TANC1: variants seen among roughly 807,000 people sequenced by gnomAD.
The protein encoded by TANC1 is tetratricopeptide repeat, ankyrin repeat and coiled-coil containing 1, also known as protein TANC1.
In TANC1, 77 loss-of-function variants were observed where a neutral mutation model predicts 149.7. The ratio of observed to expected loss-of-function variants is 0.51; its 90% CI spans 0.43 to 0.62. The LOEUF is 0.62. Ranked by LOEUF, TANC1 falls within the 20% of genes least tolerant of loss-of-function variation. The probability of loss-of-function intolerance (pLI) is 0.00; values close to 1 mark genes in which losing one functional copy is unlikely to be tolerated. For synonymous variants in TANC1, 854 were observed against 925.0 expected, an observed-to-expected ratio of 0.92 and a Z score of 1.39; for missense variants, 1,985 against 2,321.8, an observed-to-expected ratio of 0.85 and a Z score of 2.98.
At chr2:158,996,427 A>C (rs2036142284) in intron 1 of TANC1, among the ~76,000 whole-genome samples, 1 of 152,254 alleles carries the variant, frequency 6.6e-6, no homozygotes, top group Non-Finnish European at 1.5e-5. Context: ...TGTTAAATAA[A>C]TGCCATACTT....
intron 18 of TANC1, 126 bp from the exon 19 acceptor site, chr2:159,198,848 AT>A (rs954347494): frequency 1.3e-5 from 8 of 594,900 alleles, no homozygotes; most frequent in African/African-American, 1.9e-5. Flanking sequence ...TTTTCATTAT[AT>A]TTTTCTCTCC....
intron 3 of TANC1, among the ~76,000 whole-genome samples, chr2:159,072,343 G>C (rs985632789): frequency 6.6e-6 from 1 of 152,172 alleles, no homozygotes; most frequent in African/African-American, 2.4e-5. Flanking sequence ...TCCTTCATCA[G>C]ATTTTCTTTG....
At chr2:159,195,229 TC>T (rs2057760195) in intron 17 of TANC1, among the ~76,000 whole-genome samples, 2 of 152,328 alleles carry the variant, frequency 1.3e-5, no homozygotes, top group Admixed American at 1.3e-4. Context: ...TAAGTGATTC[TC>T]CTGCTTCAGC....
At chr2:159,075,741 C>T (rs1292716563) in intron 3 of TANC1, among the ~76,000 whole-genome samples, 1 of 151,752 alleles carries the variant, frequency 6.6e-6, no homozygotes, top group East Asian at 1.9e-4. Context: ...TATTTGGGCC[C>T]ATTTTGTTTC....
chr2:159,167,411 G>A (rs1019892340), intron 8 of TANC1, among the ~76,000 whole-genome samples: 2 of 152,182 alleles, frequency 1.3e-5, no homozygotes, highest in African/African-American at 4.8e-5. Flanking sequence ...TAGCCCTCCG[G>A]GAGATTTTAT....
At chr2:159,052,018 G>T (rs969993647) in intron 2 of TANC1, among the ~76,000 whole-genome samples, 3 of 152,126 alleles carry the variant, frequency 2.0e-5, no homozygotes, top group Admixed American at 2.0e-4. Context: ...GCTGGGGAAT[G>T]GCCTGTGACT....
At chr2:158,985,979 CT>C (rs1332848109) in intron 1 of TANC1, among the ~76,000 whole-genome samples, 1 of 152,170 alleles carries the variant, frequency 6.6e-6, no homozygotes, top group Non-Finnish European at 1.5e-5. Context: ...GAATCTTGTG[CT>C]TTTTGAAAAC....
chr2:159,226,649 T>G (rs184360225), intron 24 of TANC1: 13 of 152,360 alleles, frequency 8.5e-5, no homozygotes, highest in Admixed American at 5.9e-4. Flanking sequence ...AATGGAAATA[T>G]GATTTACAGA....
At chr2:159,025,189 T>TTTCTTTC (rs1553519914) in intron 2 of TANC1, among the ~76,000 whole-genome samples, 28 of 105,286 alleles carry the variant, frequency 2.7e-4, no homozygotes, top group African/African-American at 6.1e-4. Context: ...TTTTTCTTTC[T>TTTCTTTC]TTTCTTTCTT....
At chr2:159,169,855 T>C (rs1347661524) in intron 9 of TANC1, among the ~76,000 whole-genome samples, 5 of 152,036 alleles carry the variant, frequency 3.3e-5, no homozygotes, top group African/African-American at 1.2e-4. Context: ...TAGCTGGGCA[T>C]GGTGGCAGGT....
At position 159,037,757 on chromosome 2, in the gene TANC1, G is replaced by A. The variant is rs138313809; in HGVS notation, c.-15-28139G>A. On this transcript the variant is annotated intron_variant, in intron 2 of 26. Coordinates refer to ENST00000263635, the MANE Select transcript of TANC1 (RefSeq NM_033394.3). ...GTACCATGCTGTTTTGGTTACTGTA[G>A]CCTTGTAGTATAGTTTGAAGTCGGG... 3.6e-3 allele frequency among the ~76,000 whole-genome samples: 544 copies of A among 152,274 alleles called. 1 individual carries two copies. The highest frequency in any genetic ancestry group is 0.024 in the Middle Eastern group (7 of 294).
Position 159,219,297 on chromosome 2 carries a change from G to C in TANC1, c.3438G>C (p.Arg1146=), listed in dbSNP as rs2059540231. 1 of 1,614,062 alleles carries C rather than the reference G, an allele frequency of 6.2e-7. No individual in the cohort carries two copies. Among genetic ancestry groups the C allele is most frequent in the African/African-American group, 1.3e-5 (1 of 74,914 alleles). The change falls in exon 21 of 27, where the codon CGG becomes CGC. Residue 1146 remains arginine, a synonymous_variant. Transcript: ENST00000263635. ...TGAACCTAAGTGACAAGCAAGGCCG[G>C]ACGCCCCTCATGGTGGCTGCTTGTG... is the stretch of plus-strand genomic sequence containing the variant. The part of the protein sequence containing the change: ...CDVNLSDKQG[R]TPLMVAACEG...
intron 2 of TANC1, among the ~76,000 whole-genome samples, chr2:159,016,574 A>ATTTTT (rs199579067): frequency 6.8e-6 from 1 of 147,488 alleles, no homozygotes; most frequent in Non-Finnish European, 1.5e-5. Flanking sequence ...CTTGGTCAAA[A>ATTTTT]TTTTTTGTTT....
intron 4 of TANC1, among the ~76,000 whole-genome samples, chr2:159,113,406 A>G (rs771127059): frequency 3.9e-5 from 6 of 152,192 alleles, no homozygotes; most frequent in Non-Finnish European, 7.3e-5. Context: ...TCCTTAGAAG[A>G]GTACTAAATT....
intron 4 of TANC1, 122 bp from the exon 5 acceptor site, chr2:159,136,072 G>T: frequency 1.5e-6 from 1 of 663,520 alleles, no homozygotes; most frequent in Admixed American, 2.2e-5. Context: ...GTTTAAGGGA[G>T]GGGAAGGCAC....
At position 159,185,878 on chromosome 2, in the gene TANC1, C is replaced by T. The variant is rs761786671; in HGVS notation, c.2598C>T (p.Ile866=). The T allele has an allele frequency of 3.1e-6, 5 of 1,613,610 alleles. No homozygotes were observed. Among genetic ancestry groups the T allele is most frequent in the Middle Eastern group, 1.6e-4 (1 of 6,084 alleles). The change falls in exon 15 of 27, where the codon ATC becomes ATT. Residue 866 remains isoleucine (I), a synonymous_variant. Coordinates refer to ENST00000263635, the MANE Select transcript of TANC1 (RefSeq NM_033394.3). The part of the protein sequence containing the change: ...RQQTMELGHH[I]LKAHIFKGLS... ...AGACCATGGAGCTTGGCCACCACATCCTGAAGGCGCACATTTTCAAGGTGA... is the reference window on the plus strand; with the variant it reads ...AGACCATGGAGCTTGGCCACCACATTCTGAAGGCGCACATTTTCAAGGTGA...
In TANC1 at chr2:159,004,407, A is replaced by C. The variant is rs2036934975; in HGVS notation, c.-16+3218A>C. 4 of 951,068 alleles carry C rather than the reference A, an allele frequency of 4.2e-6. No individual in the cohort carries two copies. The East Asian group carries it at 9.6e-5, about 23-fold the overall frequency. The allele number at this position is 951,068 out of a possible 1,614,324, so 58.9% of individuals were successfully genotyped here. On this transcript the variant is annotated intron_variant, in intron 2 of 26. Transcript: ENST00000263635. ...AAGTTTTACAGACACAGAGAACATC[A>C]CCTGTTACTAGTTCAGTAATATAAA... is the stretch of plus-strand genomic sequence containing the variant.
In TANC1 at chr2:159,083,661, A is replaced by T. The variant is rs78475698; in HGVS notation, c.62-13976A>T. ...AACGTAATTTTGATGCTTAATTTAC[A>T]TGCCAATTTATAGAATTGTTAGAGG... On this transcript the variant is annotated intron_variant, in intron 3 of 26. Coordinates refer to ENST00000263635, the MANE Select transcript of TANC1 (RefSeq NM_033394.3). 2.1e-3 allele frequency among the ~76,000 whole-genome samples: 318 copies of T among 152,342 alleles called. 2 individuals are homozygous for T. Among genetic ancestry groups the T allele is most frequent in the African/African-American group, 7.1e-3 (295 of 41,582 alleles).
At chr2:159,194,877 T>C (rs2057736561) in intron 17 of TANC1, among the ~76,000 whole-genome samples, 2 of 152,174 alleles carry the variant, frequency 1.3e-5, no homozygotes, top group Admixed American at 6.5e-5. Context: ...TTTAAAACAG[T>C]AGGATGAGTT....
Sources: allele counts gnomAD v4.1 joint callset (sites outside exome capture counted in the v4.1 genomes callset), GRCh38; gene constraint gnomAD v4.1.1; transcripts MANE v1.5; gene names NCBI Gene and HGNC (gene_info 2026-07-23, HGNC 2026-07-21).